Variants in MAST2 observed in about 807,000 individuals in gnomAD.
MAST2 encodes microtubule associated serine/threonine kinase 2.
In MAST2, 70 loss-of-function variants were observed where a neutral mutation model predicts 147.4. That is an observed-to-expected ratio of 0.47 (90% CI 0.39 to 0.58). The LOEUF is 0.58. MAST2 is among the 20% of genes least tolerant of loss of function. The pLI is 0.00. For synonymous variants in MAST2, 869 were observed against 896.8 expected, an observed-to-expected ratio of 0.97 and a Z score of 0.55; for missense variants, 2,080 against 2,302.3, an observed-to-expected ratio of 0.90 and a Z score of 1.98.
rs1646642758 is a variant in MAST2 at position 46,031,071 on chromosome 1, A to G, written c.2773A>G (p.Thr925Ala). 1 of 1,613,582 alleles carries G rather than the reference A, an allele frequency of 6.2e-7. No individual in the cohort carries two copies. Among genetic ancestry groups the G allele is most frequent in the Admixed American group, 1.7e-5 (1 of 59,962 alleles). The stretch of plus-strand genomic sequence containing the variant: ...AGAGAGTGACTCAAGCCCTCCAATG[A>G]CAGTGCGACGCCGCTGCTCAGGCCT... Reference protein sequence around the residue: ...HTESDSSPPMTVRRRCSGLLD... With the variant: ...HTESDSSPPMAVRRRCSGLLD... Residue 925 changes from threonine (T) to alanine (A), a missense_variant, in exon 23 of 29, where the codon ACA becomes GCA. Physicochemically the swap from Thr to Ala is moderately conservative, Grantham distance 58. Coordinates refer to ENST00000361297, the MANE Select transcript of MAST2 (RefSeq NM_015112.3). This position sits in a 1 kb window ranked among gnomAD's most constrained non-coding sequence, Gnocchi z 4.1.
chr1:45,925,941 TC>T (rs1654296372), intron 4 of MAST2, among the ~76,000 whole-genome samples: 1 of 152,218 alleles, frequency 6.6e-6, no homozygotes, highest in Non-Finnish European at 1.5e-5. Flanking sequence ...GGACAGGTGT[TC>T]CTTTGGGCCT....
chr1:45,904,080 A>G (rs1323818311), intron 4 of MAST2, among the ~76,000 whole-genome samples: 1 of 152,110 alleles, frequency 6.6e-6, no homozygotes, highest in Admixed American at 6.5e-5. Context: ...AGCTCATTGC[A>G]ATCTTAAACT....
At chr1:46,015,894 A>G (rs1242411309) in intron 10 of MAST2, among the ~76,000 whole-genome samples, 1 of 152,248 alleles carries the variant, frequency 6.6e-6, no homozygotes. Context: ...TTAGACCAAT[A>G]TCCTTGATGA....
intron 15 of MAST2, 143 bp from the exon 16 acceptor site, chr1:46,025,534 A>G: frequency 2.1e-6 from 2 of 955,048 alleles, no homozygotes; most frequent in Admixed American, 2.5e-5. Flanking sequence ...TGCCAGCAGC[A>G]AAGGGGCTAG....
intron 9 of MAST2, among the ~76,000 whole-genome samples, chr1:46,009,217 G>A (rs925978096): frequency 1.3e-5 from 2 of 152,046 alleles, no homozygotes; most frequent in Non-Finnish European, 2.9e-5. Context: ...ACCACGCCCG[G>A]CTAATTTTTG....
At chr1:45,831,593 AGACT>A (rs1168974350) in intron 3 of MAST2, among the ~76,000 whole-genome samples, 2 of 152,150 alleles carry the variant, frequency 1.3e-5, no homozygotes, top group South Asian at 2.1e-4. Context: ...AGTTTTACCT[AGACT>A]GACTAATTTG....
intron 3 of MAST2, among the ~76,000 whole-genome samples, chr1:45,853,619 G>T (rs1194258214): frequency 3.3e-5 from 5 of 152,090 alleles, no homozygotes; most frequent in African/African-American, 1.2e-4. Context: ...CTCCCAAAGT[G>T]GTGGGATTAC....
intron 1 of MAST2, among the ~76,000 whole-genome samples, chr1:45,818,100 C>T (rs1035375533): frequency 3.9e-5 from 6 of 152,228 alleles, no homozygotes; most frequent in East Asian, 1.9e-4. Flanking sequence ...TAGCCCAATT[C>T]GTTCACTTGT....
intron 3 of MAST2, among the ~76,000 whole-genome samples, chr1:45,831,646 T>C (rs1337057096): frequency 6.6e-6 from 1 of 152,178 alleles, no homozygotes; most frequent in Non-Finnish European, 1.5e-5. Context: ...TGTGTATATA[T>C]GTATTTTTTT....
chr1:45,810,311 G>A (rs545811558), intron 1 of MAST2, among the ~76,000 whole-genome samples: 2 of 152,236 alleles, frequency 1.3e-5, no homozygotes, highest in East Asian at 1.9e-4. Flanking sequence ...TATTTTAATG[G>A]AAATCAGAAC....
At chr1:45,920,342 G>A (rs1158452024) in intron 4 of MAST2, among the ~76,000 whole-genome samples, 1 of 152,128 alleles carries the variant, frequency 6.6e-6, no homozygotes, top group East Asian at 1.9e-4. Context: ...GCCTCCCCAA[G>A]TTCTCAACTC....
At chr1:45,891,752 T>TA (rs1165554419) in intron 4 of MAST2, among the ~76,000 whole-genome samples, 5 of 152,222 alleles carry the variant, frequency 3.3e-5, no homozygotes, top group Non-Finnish European at 5.9e-5. Flanking sequence ...TTGGCCTGAT[T>TA]ATTTGCATAG....
At chr1:46,030,435 C>G (rs1382629612) in intron 21 of MAST2, 172 bp from the exon 22 acceptor site, 1 of 864,956 alleles carries the variant, frequency 1.2e-6, no homozygotes, top group Non-Finnish European at 1.8e-6. Flanking sequence ...ACATGAGATG[C>G]CAGGTCAGAT....
chr1:46,033,948 G>C lies in MAST2; in HGVS notation c.3674+10G>C. 6.2e-7 allele frequency: 1 copy of C among 1,613,940 alleles called. No homozygotes were observed. The highest frequency in any genetic ancestry group is 8.5e-7 in the Non-Finnish European group (1 of 1,179,814). ...AGGATGGGCAAGAAAGGTGAGCCAGGCGCAGTGAAGAGGGTTTTCTCTGAG... is the reference window on the plus strand; with the variant it reads ...AGGATGGGCAAGAAAGGTGAGCCAGCCGCAGTGAAGAGGGTTTTCTCTGAG... On this transcript the variant is annotated intron_variant, in intron 27 of 28. Coordinates refer to ENST00000361297, the MANE Select transcript of MAST2 (RefSeq NM_015112.3).
intron 2 of MAST2, among the ~76,000 whole-genome samples, chr1:45,827,707 A>T (rs888254489): frequency 6.6e-6 from 1 of 152,134 alleles, no homozygotes; most frequent in Admixed American, 6.5e-5. Context: ...AGTAAAAGGT[A>T]CATTTGAGAC....
At chr1:45,999,450 C>T (rs144695243) in intron 6 of MAST2, among the ~76,000 whole-genome samples, 2 of 152,246 alleles carry the variant, frequency 1.3e-5, no homozygotes, top group East Asian at 3.9e-4. Context: ...GCTGGGACAC[C>T]AAGACCTGTG....
chr1:45,862,920 A>C (rs1322999967), intron 3 of MAST2, among the ~76,000 whole-genome samples: 1 of 151,854 alleles, frequency 6.6e-6, no homozygotes, highest in Admixed American at 6.6e-5. Flanking sequence ...CTTCTTTGAC[A>C]CTCCCATAGC....
At chr1:45,919,894 A>G (rs1455287700) in intron 4 of MAST2, among the ~76,000 whole-genome samples, 2 of 151,302 alleles carry the variant, frequency 1.3e-5, no homozygotes, top group Non-Finnish European at 2.9e-5. Flanking sequence ...GTGCCAGTTC[A>G]TTGATATGAC....
At chr1:46,033,736 A>C in intron 26 of MAST2, 66 bp from the exon 27 acceptor site, 1 of 1,586,040 alleles carries the variant, frequency 6.3e-7, no homozygotes, top group Non-Finnish European at 8.6e-7. Context: ...GAAGGGAAGG[A>C]TTGGGGGAGG....
Sources: gnomAD v4.1 joint callset for allele counts (sites outside exome capture counted in the v4.1 genomes callset) on GRCh38, gnomAD v4.1.1 for gene constraint, Gnocchi (gnomAD v3.1) non-coding constraint, MANE v1.5 for transcripts, NCBI Gene and HGNC (gene_info 2026-07-23, HGNC 2026-07-21) for gene names.